The following ROBO3 variants were observed in gnomAD, a reference collection of about 807,000 sequenced individuals.
ROBO3 encodes the protein roundabout homolog 3.
In ROBO3, 97 loss-of-function variants were observed where a neutral mutation model predicts 160.5. That is an observed-to-expected ratio of 0.60 (90% confidence interval 0.51 to 0.72). The LOEUF (loss-of-function observed/expected upper bound fraction) is 0.72. Ranked by LOEUF, ROBO3 falls within the 30% of genes least tolerant of loss-of-function variation. The pLI is 0.00. For synonymous variants in ROBO3, 780 were observed against 746.2 expected (o/e 1.05, Z -0.74); for missense variants, 1,858 against 1,846.5 (o/e 1.01, Z -0.11).
Position 124,869,162 on chromosome 11 carries a change from C to T in ROBO3, c.487+34C>T. 1 of 1,508,116 alleles carries T rather than the reference C, an allele frequency of 6.6e-7. No homozygotes were observed. Among genetic ancestry groups the T allele is most frequent in the Non-Finnish European group, 8.9e-7 (1 of 1,124,958 alleles). The allele number at this position is 1,508,116 out of a possible 1,614,324, so 93.4% of individuals were successfully genotyped here. On this transcript the variant is annotated intron_variant, in intron 2 of 27. Transcript: ENST00000397801. This position sits in a 1 kb window ranked among gnomAD's most constrained non-coding sequence, Gnocchi z 4.2. The stretch of plus-strand genomic sequence containing the variant: ...CAGTTGACCGTCAGCTGGTTGCTTC[C>T]AGAGCCTGGGGTAGGCGGGAGGGCA...
At position 124,870,654 on chromosome 11, in the gene ROBO3, A is replaced by T. The variant is rs1946269158; in HGVS notation, c.959A>T (p.Asp320Val). ...SLWIGHVSAE[D>V]EGTYTCVAEN... The stretch of plus-strand genomic sequence containing the variant: ...TGGATTGGGCATGTGAGTGCCGAAG[A>T]TGAGGGAACGTACACCTGTGTGGCG... The change falls in exon 6 of 28, where the codon GAT (aspartate) becomes GTT (valine). Residue 320 changes from aspartate to valine, a missense_variant. Transcript: ENST00000397801. 1.2e-6 allele frequency: 2 copies of T among 1,613,486 alleles called. No homozygotes were observed. Among genetic ancestry groups the T allele is most frequent in the Non-Finnish European group, 1.7e-6 (2 of 1,179,756 alleles).
At chr11:124,871,250 C>A in intron 7 of ROBO3, 112 bp downstream of exon 7, 1 of 1,286,958 alleles carries the variant, frequency 7.8e-7, no homozygotes, top group Non-Finnish European at 1.0e-6. Context: ...CTTTGGGAGC[C>A]CCCAGAAACC....
chr11:124,867,651 G>A lies in ROBO3; in HGVS notation c.161-1151G>A, dbSNP rs572010178. 9.1e-4 allele frequency among the ~76,000 whole-genome samples: 138 copies of A among 152,206 alleles called. 1 individual carries two copies. The highest frequency in any genetic ancestry group is 3.2e-3 in the African/African-American group (132 of 41,508). On this transcript the variant is annotated intron_variant, in intron 1 of 27. Transcript: ENST00000397801. ...GCAATTAAAATAAACTCAGAACAGC[G>A]CCAGCACGGGTCAGCCTGTCCAGCT...
In ROBO3 at chr11:124,876,862, G is replaced by A. The variant is rs1946391053; in HGVS notation, c.2780-299G>A. ...TCTGGATGGAAAGGCGGGGCCCGCT[G>A]AAAGAAGGCGATCCGAGTTCTGCTA... is the stretch of plus-strand genomic sequence containing the variant. On this transcript the variant is annotated intron_variant, in intron 17 of 27. Coordinates refer to ENST00000397801, the MANE Select transcript of ROBO3 (RefSeq NM_022370.4). The surrounding 1 kb of genome is among the most constrained non-coding windows in gnomAD (Gnocchi z 5.3). 8 of 573,310 alleles carry A rather than the reference G, an allele frequency of 1.4e-5. No homozygotes were observed. The highest frequency in any genetic ancestry group is 2.5e-5 in the Non-Finnish European group (8 of 322,578). The allele number at this position is 573,310 out of a possible 1,614,324, so 35.5% of individuals were successfully genotyped here.
rs1250456535 is a variant in ROBO3 at position 124,875,140 on chromosome 11, T to C, written c.2103T>C (p.Gly701=). 2 of 1,611,732 alleles carry C rather than the reference T, an allele frequency of 1.2e-6. No homozygotes were observed. The highest frequency in any genetic ancestry group is 1.7e-6 in the Non-Finnish European group (2 of 1,179,138). ...ATGGCCCAGTCCAGCTGGTGCAAGG[T>C]TTCCGGGTGTCTTGGAGGGTAGCAG... The part of the protein sequence containing the change: ...TVDGPVQLVQ[G]FRVSWRVAGP... Residue 701 remains glycine, a synonymous_variant, in exon 14 of 28, where the codon GGT becomes GGC. Transcript: ENST00000397801.
rs1416923848 is a variant in ROBO3 at position 124,877,248 on chromosome 11, G to A, written c.2804-19G>A. 6.2e-7 allele frequency: 1 copy of A among 1,613,776 alleles called. No homozygotes were observed. The highest frequency in any genetic ancestry group is 1.7e-5 in the Admixed American group (1 of 60,002). Reference sequence around the variant, plus strand: ...GGACGGGCCCTTCTCTCACTCATTCGCCCCCTCATTTTCCCCAGTGTCCTT... The same window carrying A: ...GGACGGGCCCTTCTCTCACTCATTCACCCCCTCATTTTCCCCAGTGTCCTT... On this transcript the variant is annotated intron_variant, in intron 18 of 27. Coordinates refer to ENST00000397801, the MANE Select transcript of ROBO3 (RefSeq NM_022370.4).
chr11:124,879,124 C>T, intron 23 of ROBO3, 66 bp from the exon 24 acceptor site: 1 of 1,502,954 alleles, frequency 6.7e-7, no homozygotes, highest in Middle Eastern at 2.3e-4. Flanking sequence ...TAGCACAGTG[C>T]CAGGCACATA....
intron 27 of ROBO3, 89 bp from the exon 28 acceptor site, chr11:124,881,150 G>C: frequency 7.5e-7 from 1 of 1,326,172 alleles, no homozygotes; most frequent in Non-Finnish European, 1.1e-6. Context: ...AGGAGAACTG[G>C]GTTAGGAGAG....
rs776610466 is a variant in ROBO3, at chr11:124,880,604, G to A, written c.4145G>A (p.Arg1382Gln). 7 of 1,543,068 alleles carry A rather than the reference G, an allele frequency of 4.5e-6. No homozygotes were observed. Among genetic ancestry groups the A allele is most frequent in the South Asian group, 2.4e-5 (2 of 83,566 alleles). Reference protein sequence around the residue: ...SQSQRPGQKRREEPR With the variant: ...SQSQRPGQKRQEEPR Reference sequence around the variant, plus strand: ...AGCCAAAGGCCAGGACAGAAACGCCGAGAGGTAGGGGCCATAGATTGCAGA... The same window carrying A: ...AGCCAAAGGCCAGGACAGAAACGCCAAGAGGTAGGGGCCATAGATTGCAGA... The change falls in exon 27 of 28, where the codon CGA becomes CAA. Residue 1382 changes from arginine (R) to glutamine (Q), a missense_variant. Arg to Gln is a conservative substitution (Grantham distance 43). Transcript: ENST00000397801.
Position 124,865,693 on chromosome 11 carries a change from C to T in ROBO3, c.116C>T (p.Ala39Val), listed in dbSNP as rs1946187147. The T allele has an allele frequency of 6.2e-7, 1 of 1,611,424 alleles. No homozygotes were observed. The highest frequency in any genetic ancestry group is 8.5e-7 in the Non-Finnish European group (1 of 1,179,198). Residue 39 changes from alanine to valine, a missense_variant, in exon 1 of 28, where the codon GCG becomes GTG. Transcript: ENST00000397801. This position sits in a 1 kb window ranked among gnomAD's most constrained non-coding sequence, Gnocchi z 5.5. ...TTGGGCTTCAACTCCTCGCTGGCGG[C>T]GCTCAACCACACCCTGCTGCCTCCC... ...LLLGFNSSLA[A>V]LNHTLLPPGD...
chr11:124,878,422 G>A lies in ROBO3; in HGVS notation c.3306G>A (p.Glu1102=). The A allele has an allele frequency of 6.2e-7, 1 of 1,613,464 alleles. No individual in the cohort carries two copies. The highest frequency in any genetic ancestry group is 8.5e-7 in the Non-Finnish European group (1 of 1,179,618). ...TGAGCTGCCTAGAAGGGCCGGAGGA[G>A]GAGCTGGAGGGCAGGTAGAGATGCT... The part of the protein sequence containing the change: ...CELSCLEGPE[E]ELEGSSEPEE... The change falls in exon 22 of 28, where the codon GAG becomes GAA. Residue 1102 remains glutamate, a synonymous_variant. Coordinates refer to ENST00000397801, the MANE Select transcript of ROBO3 (RefSeq NM_022370.4). The surrounding 1 kb of genome is among the most constrained non-coding windows in gnomAD (Gnocchi z 4.3).
At chr11:124,879,091 GTTTATCTGTTA>G in intron 23 of ROBO3, 88 bp from the exon 24 acceptor site, 1 of 1,362,396 alleles carries the variant, frequency 7.3e-7, no homozygotes, top group Non-Finnish European at 1.0e-6. Context: ...GTTGTGTCTC[GTTTATCTGTTA>G]GGTTGATTGT....
At position 124,876,372 on chromosome 11, in the gene ROBO3, CGGCGCAGCCTGCGG is replaced by C; in HGVS notation, c.2697_2710del (p.Cys901SerfsTer80). 7.0e-7 allele frequency: 1 copy of C among 1,438,202 alleles called. No homozygotes were observed. Among genetic ancestry groups the C allele is most frequent in the Non-Finnish European group, 9.1e-7 (1 of 1,103,802 alleles). The allele number at this position is 1,438,202 out of a possible 1,614,324, so 89.1% of individuals were successfully genotyped here. Reference sequence around the variant, plus strand: ...GGGAGCCCGCCTTCCTCGCGGGCAGCGGCGCAGCCTGCGGGGCGCTGCTTCTCGGGCTCTGCGCC... The same window carrying C: ...GGGAGCCCGCCTTCCTCGCGGGCAGCGGCGCTGCTTCTCGGGCTCTGCGCC... On this transcript the variant is annotated frameshift_variant, in exon 17 of 28. Coordinates refer to ENST00000397801, the MANE Select transcript of ROBO3 (RefSeq NM_022370.4). LOFTEE classifies it high-confidence loss of function. This position sits in a 1 kb window ranked among gnomAD's most constrained non-coding sequence, Gnocchi z 5.3.
At position 124,868,987 on chromosome 11, in the gene ROBO3, C is replaced by T. The variant is rs1467755526; in HGVS notation, c.346C>T (p.Leu116=). The stretch of plus-strand genomic sequence containing the variant: ...GCGGGAGGATCCGCGTGCGCACCGC[C>T]TGCTGCTGCCCAGCGGCGCCCTCTT... ...TVREDPRAHR[L]LLPSGALFFP... Residue 116 remains leucine (L), a synonymous_variant, in exon 2 of 28, where the codon CTG becomes TTG. Transcript: ENST00000397801. 1.9e-6 allele frequency: 3 copies of T among 1,601,332 alleles called. No homozygotes were observed. Among genetic ancestry groups the T allele is most frequent in the South Asian group, 2.2e-5 (2 of 89,104 alleles).
At chr11:124,880,785 G>A (rs1946563640) in intron 27 of ROBO3, among the ~76,000 whole-genome samples, 177 bp downstream of exon 27, 1 of 152,192 alleles carries the variant, frequency 6.6e-6, no homozygotes, top group Admixed American at 6.5e-5. Context: ...TGAGCGTGGT[G>A]GCTCATGCCT....
chr11:124,866,135 C>G (rs905970921), intron 1 of ROBO3, among the ~76,000 whole-genome samples: 1 of 152,222 alleles, frequency 6.6e-6, no homozygotes, highest in Non-Finnish European at 1.5e-5. Flanking sequence ...CGGTGACCCA[C>G]CCAGGCAGCT....
intron 12 of ROBO3, 128 bp downstream of exon 12, chr11:124,874,364 C>T (rs1946321417): frequency 1.2e-6 from 1 of 850,134 alleles, no homozygotes; most frequent in East Asian, 2.7e-5. Context: ...ATACTGGTGG[C>T]CCGGCCTGGA....
chr11:124,874,290 C>T, intron 12 of ROBO3, 54 bp downstream of exon 12: 1 of 1,513,650 alleles, frequency 6.6e-7, no homozygotes, highest in Non-Finnish European at 9.0e-7. Context: ...CATAAAGCAA[C>T]CCTCTCCCCC....
rs1482875810 is a variant in ROBO3 at position 124,872,428 on chromosome 11, A to G, written c.1206A>G (p.Ser402=). 1.9e-6 allele frequency: 3 copies of G among 1,613,930 alleles called. No individual in the cohort carries two copies. Among genetic ancestry groups the G allele is most frequent in the Non-Finnish European group, 2.5e-6 (3 of 1,179,882 alleles). ...CACTTCAGCCGACGGGGCGCTTCTCAGTGTCTCCAAGAGGCCAACTTAACA... is the reference window on the plus strand; with the variant it reads ...CACTTCAGCCGACGGGGCGCTTCTCGGTGTCTCCAAGAGGCCAACTTAACA... ...SQSLQPTGRF[S]VSPRGQLNIT... Residue 402 remains serine, a synonymous_variant, in exon 8 of 28, where the codon TCA becomes TCG. Coordinates refer to ENST00000397801, the MANE Select transcript of ROBO3 (RefSeq NM_022370.4). The surrounding 1 kb of genome is among the most constrained non-coding windows in gnomAD (Gnocchi z 4.3).
Sources: gnomAD v4.1 joint callset for allele counts (sites outside exome capture counted in the v4.1 genomes callset) on GRCh38, gnomAD v4.1.1 for gene constraint, Gnocchi (gnomAD v3.1) non-coding constraint, MANE v1.5 for transcripts, NCBI Gene and HGNC (gene_info 2026-07-23, HGNC 2026-07-21) for gene names.